Variants in CSMD1 observed in about 807,000 individuals in gnomAD.
CSMD1 encodes the protein CUB and sushi domain-containing protein 1.
Under a neutral mutation model 417.5 loss-of-function variants are expected in CSMD1, and 213 were observed. The ratio of observed to expected loss-of-function variants is 0.51; its 90% CI spans 0.46 to 0.57. The LOEUF is 0.57. Ranked by LOEUF, CSMD1 falls within the 20% of genes least tolerant of loss-of-function variation. The probability of loss-of-function intolerance (pLI) is 0.00; values close to 1 mark genes in which losing one functional copy is unlikely to be tolerated. For missense variants in CSMD1, 6,923 were observed against 4,529.7 expected (o/e 1.53, Z -15.17); for synonymous variants, 2,862 against 1,736.8 (o/e 1.65, Z -16.11).
intron 26 of CSMD1, among the ~76,000 whole-genome samples, chr8:3,235,372 G>A (rs1178105219): frequency 6.6e-6 from 1 of 152,148 alleles, no homozygotes; most frequent in Middle Eastern, 3.2e-3. Context: ...ACACAAAGGT[G>A]CACAGATTTT....
At chr8:3,828,180 T>G (rs1440938989) in intron 5 of CSMD1, among the ~76,000 whole-genome samples, 2 of 152,166 alleles carry the variant, frequency 1.3e-5, no homozygotes, top group African/African-American at 4.8e-5. Flanking sequence ...AATCCAAGTT[T>G]AACCAGTATG....
intron 26 of CSMD1, among the ~76,000 whole-genome samples, chr8:3,272,744 G>T (rs1466142433): frequency 1.4e-5 from 2 of 146,282 alleles, no homozygotes; most frequent in East Asian, 2.0e-4. Flanking sequence ...TCTGTTGTTG[G>T]TGTATAAGAA....
At chr8:3,822,753 T>C (rs1801809775) in intron 5 of CSMD1, among the ~76,000 whole-genome samples, 1 of 152,184 alleles carries the variant, frequency 6.6e-6, no homozygotes, top group Non-Finnish European at 1.5e-5. Context: ...AAAGTGGAAA[T>C]ACAGGTTTGT....
intron 5 of CSMD1, among the ~76,000 whole-genome samples, chr8:3,890,242 T>C (rs1389134735): frequency 6.6e-6 from 1 of 152,198 alleles, no homozygotes; most frequent in Admixed American, 6.6e-5. Flanking sequence ...ATATTCTTGT[T>C]GTTCAAACTT....
At chr8:3,883,779 AG>A (rs1806370982) in intron 5 of CSMD1, among the ~76,000 whole-genome samples, 1 of 152,166 alleles carries the variant, frequency 6.6e-6, no homozygotes, top group Admixed American at 6.6e-5. Flanking sequence ...GGGAAAAAGC[AG>A]CTTTTAAATC....
chr8:4,285,929 T>C (rs936523139), intron 3 of CSMD1, among the ~76,000 whole-genome samples: 1 of 152,130 alleles, frequency 6.6e-6, no homozygotes, highest in African/African-American at 2.4e-5. Flanking sequence ...CACAAACCTT[T>C]TAAGTGGCTA....
At position 3,722,860 on chromosome 8, in the gene CSMD1, A is replaced by C. The variant is rs372298990; in HGVS notation, c.932-14369T>G. ...TTGAGATTCCCCGATTTCAGGGATGAACTAGCTGCTTTTTCATGGAACACC... is the reference window on the plus strand; with the variant it reads ...TTGAGATTCCCCGATTTCAGGGATGCACTAGCTGCTTTTTCATGGAACACC... On this transcript the variant is annotated intron_variant, in intron 6 of 69. Coordinates refer to ENST00000635120, the MANE Select transcript of CSMD1 (RefSeq NM_033225.6). Among the ~76,000 whole-genome samples, 2 of 152,164 alleles carry C rather than the reference A, an allele frequency of 1.3e-5. 1 individual carries two copies. The highest frequency in any genetic ancestry group is 4.1e-4 in the South Asian group (2 of 4,826).
intron 1 of CSMD1, among the ~76,000 whole-genome samples, chr8:4,834,977 A>AG (rs1800383135): frequency 3.1e-5 from 1 of 32,238 alleles, no homozygotes; most frequent in Admixed American, 6.2e-4. Flanking sequence ...AAAAAAAAAA[A>AG]AAAGAAAGAA....
At chr8:4,240,093 A>C (rs1451600249) in intron 3 of CSMD1, among the ~76,000 whole-genome samples, 1 of 152,238 alleles carries the variant, frequency 6.6e-6, no homozygotes, top group African/African-American at 2.4e-5. Context: ...AGCTTCTTAA[A>C]TACTAAACCA....
At chr8:3,459,489 C>G (rs1292244628) in intron 12 of CSMD1, among the ~76,000 whole-genome samples, 1 of 152,090 alleles carries the variant, frequency 6.6e-6, no homozygotes, top group Non-Finnish European at 1.5e-5. Context: ...TGGGTGATCT[C>G]CACGCATGCG....
Position 4,247,098 on chromosome 8 carries a change from T to G in CSMD1, c.415+172855A>C, listed in dbSNP as rs1032739405. On this transcript the variant is annotated intron_variant, in intron 3 of 69. Coordinates refer to ENST00000635120, the MANE Select transcript of CSMD1 (RefSeq NM_033225.6). ...CTACCCCATGGGTTGTACGGTCTAG[T>G]GAAGAAAACGCCAATAAAAGGAAAG... Among the ~76,000 whole-genome samples, 11 of 152,314 alleles carry G rather than the reference T, an allele frequency of 7.2e-5. No homozygotes were observed. In the East Asian group the frequency reaches 2.1e-3, roughly 29 times the overall value.
chr8:3,343,173 G>A (rs1410990078), intron 23 of CSMD1, 121 bp downstream of exon 23: 8 of 756,480 alleles, frequency 1.1e-5, no homozygotes, highest in Non-Finnish European at 1.7e-5. Flanking sequence ...GAATTAAACT[G>A]CAATCAAAAA....
chr8:3,995,223 A>G (rs1815111057), intron 5 of CSMD1, among the ~76,000 whole-genome samples: 1 of 152,186 alleles, frequency 6.6e-6, no homozygotes, highest in African/African-American at 2.4e-5. Context: ...GTGCTCCTGT[A>G]GGTTTCCATA....
At chr8:4,870,309 C>G (rs1191766161) in intron 1 of CSMD1, among the ~76,000 whole-genome samples, 1 of 152,046 alleles carries the variant, frequency 6.6e-6, no homozygotes, top group Non-Finnish European at 1.5e-5. Flanking sequence ...CAGAAAGACC[C>G]ACATCACTTT....
intron 1 of CSMD1, among the ~76,000 whole-genome samples, chr8:4,971,443 A>T (rs1810231770): frequency 6.6e-6 from 1 of 152,048 alleles, no homozygotes; most frequent in South Asian, 2.1e-4. Context: ...CCATAATTCT[A>T]ACCTTCTGAA....
At chr8:3,749,378 T>C (rs1312572868) in intron 6 of CSMD1, among the ~76,000 whole-genome samples, 2 of 152,208 alleles carry the variant, frequency 1.3e-5, no homozygotes, top group Non-Finnish European at 1.5e-5. Context: ...GAATAGATTT[T>C]AAGAGTAGCA....
At chr8:3,427,479 G>T (rs1447356) in intron 12 of CSMD1, among the ~76,000 whole-genome samples, 1 of 151,790 alleles carries the variant, frequency 6.6e-6, no homozygotes, top group Non-Finnish European at 1.5e-5. Context: ...TTAAAATGAA[G>T]ATTTTCACAG....
At chr8:3,783,042 C>T (rs1799264469) in intron 5 of CSMD1, among the ~76,000 whole-genome samples, 1 of 152,188 alleles carries the variant, frequency 6.6e-6, no homozygotes, top group African/African-American at 2.4e-5. Context: ...ATCTTCTGTA[C>T]TGACACTTCC....
At chr8:4,261,872 C>T (rs11997912) in intron 3 of CSMD1, among the ~76,000 whole-genome samples, 1 of 151,980 alleles carries the variant, frequency 6.6e-6, no homozygotes, top group Non-Finnish European at 1.5e-5. Context: ...TGAAACTAGA[C>T]AAAATGTGTT....
Sources: gnomAD v4.1 joint callset for allele counts (sites outside exome capture counted in the v4.1 genomes callset) on GRCh38, gnomAD v4.1.1 for gene constraint, MANE v1.5 for transcripts, NCBI Gene and HGNC (gene_info 2026-07-23, HGNC 2026-07-21) for gene names.